PPFIA1: variants seen among roughly 807,000 people sequenced by gnomAD.
PPFIA1 encodes liprin-alpha-1.
Under a neutral mutation model 149.9 loss-of-function variants are expected in PPFIA1, and 25 were observed. The ratio of observed to expected loss-of-function variants is 0.17; its 90% CI spans 0.12 to 0.23. PPFIA1 has a LOEUF of 0.23. PPFIA1 is among the 10% of genes least tolerant of loss of function. PPFIA1 has a pLI of 1.00. For missense variants in PPFIA1, 1,362 were observed against 1,506.5 expected (o/e 0.90, Z 1.59); for synonymous variants, 549 against 552.8 (o/e 0.99, Z 0.10).
intron 2 of PPFIA1, among the ~76,000 whole-genome samples, chr11:70,292,980 A>T (rs911934869): frequency 6.6e-6 from 1 of 152,202 alleles, no homozygotes; most frequent in Non-Finnish European, 1.5e-5. Context: ...ACCTTTGAGC[A>T]TCCGGGGCAG....
chr11:70,298,016 C>T (rs1376985779), intron 2 of PPFIA1, among the ~76,000 whole-genome samples: 1 of 152,168 alleles, frequency 6.6e-6, no homozygotes, highest in East Asian at 1.9e-4. Context: ...GGTGGTAATG[C>T]TCCTTCCCTC....
At chr11:70,284,813 A>G (rs752789754) in intron 2 of PPFIA1, among the ~76,000 whole-genome samples, 1 of 152,044 alleles carries the variant, frequency 6.6e-6, no homozygotes, top group African/African-American at 2.4e-5. Context: ...GGCCATGGTT[A>G]CTTGGCCTGG....
intron 3 of PPFIA1, 111 bp from the exon 4 acceptor site, chr11:70,324,736 T>C (rs1245215390): frequency 3.7e-6 from 4 of 1,094,920 alleles, no homozygotes; most frequent in East Asian, 2.4e-5. Flanking sequence ...TTCTGCGGAA[T>C]TGAAGGGACT....
At chr11:70,336,505 CAAAAAAA>C (rs10640266) in intron 11 of PPFIA1, among the ~76,000 whole-genome samples, 1 of 123,190 alleles carries the variant, frequency 8.1e-6, no homozygotes, top group African/African-American at 2.8e-5. Flanking sequence ...GATCCTGTTT[CAAAAAAA>C]AAAAAAAAAA....
intron 7 of PPFIA1, among the ~76,000 whole-genome samples, chr11:70,329,427 T>A (rs2054524697): frequency 6.6e-6 from 1 of 152,174 alleles, no homozygotes. Context: ...CTTCATCAAT[T>A]TAATTTTGAG....
Position 70,305,940 on chromosome 11 carries a change from C to G in PPFIA1, c.265-18462C>G, listed in dbSNP as rs1382811404. On this transcript the variant is annotated intron_variant, in intron 2 of 27. Coordinates refer to ENST00000253925, the MANE Select transcript of PPFIA1 (RefSeq NM_003626.5). ...GGGTATTTTAATCTACCCCTTATTG[C>G]CATGGGGAGGTTTAAAAAAGCAAAA... Among the ~76,000 whole-genome samples the G allele has an allele frequency of 2.0e-5, 3 of 152,048 alleles. No homozygotes were observed. The East Asian group carries it at 5.8e-4, about 29-fold the overall frequency.
At chr11:70,289,718 G>A (rs971039303) in intron 2 of PPFIA1, among the ~76,000 whole-genome samples, 5 of 152,140 alleles carry the variant, frequency 3.3e-5, no homozygotes, top group South Asian at 2.1e-4. Context: ...ACAGGCATGC[G>A]CCACCACGCC....
intron 2 of PPFIA1, among the ~76,000 whole-genome samples, chr11:70,306,361 G>T (rs1233071535): frequency 6.6e-6 from 1 of 152,032 alleles, no homozygotes; most frequent in African/African-American, 2.4e-5. Context: ...GTAACCCTTT[G>T]ACGCAGCAGG....
chr11:70,290,779 A>T (rs1430292043), intron 2 of PPFIA1, among the ~76,000 whole-genome samples: 1 of 152,248 alleles, frequency 6.6e-6, no homozygotes, highest in Non-Finnish European at 1.5e-5. Context: ...CTTTGCCAGT[A>T]CTAATATAAA....
At chr11:70,299,383 A>G (rs17160039) in intron 2 of PPFIA1, among the ~76,000 whole-genome samples, 33,276 of 152,110 alleles carry the variant, frequency 0.22, 5,553 homozygotes, top group African/African-American at 0.46. Context: ...TCTGTTTACT[A>G]CTCAACACTG....
chr11:70,302,368 G>T (rs1036777001), intron 2 of PPFIA1, among the ~76,000 whole-genome samples: 1 of 152,186 alleles, frequency 6.6e-6, no homozygotes, highest in African/African-American at 2.4e-5. Context: ...ATGGAGGGCT[G>T]TGAGCTCACA....
chr11:70,326,247 A>AT lies in PPFIA1; in HGVS notation c.607-9dup. ...GTAAGGTATTTTACACTCATATTCA[A>AT]TTTTTTGCTTTCAGCTAATGATTCT... is the stretch of plus-strand genomic sequence containing the variant. On this transcript the variant is annotated splice_polypyrimidine_tract_variant and intron_variant, in intron 5 of 27. Transcript: ENST00000253925. 3 of 1,478,628 alleles carry AT rather than the reference A, an allele frequency of 2.0e-6. No individual in the cohort carries two copies. The highest frequency in any genetic ancestry group is 1.7e-4 in the Middle Eastern group (1 of 5,760). The allele number at this position is 1,478,628 out of a possible 1,614,324, so 91.6% of individuals were successfully genotyped here. A position where few individuals can be genotyped will look rare whatever the true frequency, so the allele number is the denominator to read the frequency against.
At chr11:70,276,320 T>C (rs12292191) in intron 2 of PPFIA1, among the ~76,000 whole-genome samples, 33,661 of 150,854 alleles carry the variant, frequency 0.22, 5,884 homozygotes, top group African/African-American at 0.48. Context: ...GGGAAGCAAC[T>C]TCAGGAGCTC....
At chr11:70,353,325 C>T (rs1328456258) in intron 16 of PPFIA1, among the ~76,000 whole-genome samples, 1 of 152,212 alleles carries the variant, frequency 6.6e-6, no homozygotes. Context: ...ACCATGATCA[C>T]ACCTGCAAAT....
intron 2 of PPFIA1, among the ~76,000 whole-genome samples, chr11:70,276,202 GC>G (rs1471120002): frequency 6.6e-6 from 1 of 151,714 alleles, no homozygotes; most frequent in Non-Finnish European, 1.5e-5. Context: ...GAACTCCTGG[GC>G]TAAAGTGATC....
chr11:70,343,761 G>A lies in PPFIA1; in HGVS notation c.1800G>A (p.Val600=). 2 of 1,614,212 alleles carry A rather than the reference G, an allele frequency of 1.2e-6. No homozygotes were observed. Among genetic ancestry groups the A allele is most frequent in the Non-Finnish European group, 1.7e-6 (2 of 1,180,040 alleles). ...VAQAFESDAD[V]SDGEDDRDTL... Reference sequence around the variant, plus strand: ...AAGCATTCGAGAGTGATGCTGACGTGTCTGATGGTGAAGATGACAGGGACA... The same window carrying A: ...AAGCATTCGAGAGTGATGCTGACGTATCTGATGGTGAAGATGACAGGGACA... Residue 600 remains valine, a synonymous_variant, in exon 15 of 28, where the codon GTG becomes GTA. Transcript: ENST00000253925.
chr11:70,283,792 G>A (rs1487843368), intron 2 of PPFIA1, among the ~76,000 whole-genome samples: 6 of 151,864 alleles, frequency 4.0e-5, no homozygotes, highest in African/African-American at 1.5e-4. Context: ...GTGGGGGAGA[G>A]TAAAGAGGAG....
rs539117740 is a variant in PPFIA1, at chr11:70,374,761, AG to A, written c.3140-156del. 93 of 615,502 alleles carry A rather than the reference AG, an allele frequency of 1.5e-4. No homozygotes were observed. In the East Asian group the frequency reaches 2.6e-3, roughly 17 times the overall value. The allele number at this position is 615,502 out of a possible 1,614,324, so 38.1% of individuals were successfully genotyped here. On this transcript the variant is annotated intron_variant, in intron 23 of 27. Coordinates refer to ENST00000253925, the MANE Select transcript of PPFIA1 (RefSeq NM_003626.5). ...GGCCAGGACACCATTGTCTCAGTGC[AG>A]CAAATGGTTGTCTATTTAGCAGTGT...
chr11:70,372,587 C>T lies in PPFIA1; in HGVS notation c.3139+13C>T. Reference sequence around the variant, plus strand: ...AGTGAAATAAAAGGTTAGTACATGACATTTAATTGATTCGGTTTACTCCTA... The same window carrying T: ...AGTGAAATAAAAGGTTAGTACATGATATTTAATTGATTCGGTTTACTCCTA... On this transcript the variant is annotated intron_variant, in intron 23 of 27. Coordinates refer to ENST00000253925, the MANE Select transcript of PPFIA1 (RefSeq NM_003626.5). The T allele has an allele frequency of 6.3e-7, 1 of 1,588,214 alleles. No homozygotes were observed. Among genetic ancestry groups the T allele is most frequent in the Non-Finnish European group, 8.6e-7 (1 of 1,159,482 alleles).
Sources: gnomAD v4.1 joint callset for allele counts (sites outside exome capture counted in the v4.1 genomes callset) on GRCh38, gnomAD v4.1.1 for gene constraint, MANE v1.5 for transcripts, NCBI Gene and HGNC (gene_info 2026-07-23, HGNC 2026-07-21) for gene names.